FRMPD4: variants seen among roughly 807,000 people sequenced by gnomAD.
FRMPD4 encodes the protein FERM and PDZ domain-containing protein 4.
FRMPD4 carries 22 observed loss-of-function variants against 94.1 expected under a neutral mutation model. That is an observed-to-expected ratio of 0.23 (90% confidence interval 0.17 to 0.33). The LOEUF is 0.33. Among genes scored for constraint, FRMPD4 ranks in the 10% least tolerant of loss-of-function variants. The pLI is 1.00. For missense variants in FRMPD4, 1,111 were observed against 1,339.9 expected (o/e 0.83, Z 2.67); for synonymous variants, 631 against 548.6 (o/e 1.15, Z -2.10).
intron 13 of FRMPD4, among the ~76,000 whole-genome samples, chrX:12,708,660 T>C (rs1970348738): frequency 9.0e-6 from 1 of 111,120 alleles, no homozygotes. Context: ...CAAATGGAGA[T>C]AGTGACTCCA....
At chrX:12,583,708 C>A (rs1873891782) in intron 2 of FRMPD4, among the ~76,000 whole-genome samples, 1 of 112,837 alleles carries the variant, frequency 8.9e-6, no homozygotes. Context: ...TCTGCCGCTT[C>A]CCGCGACCTC....
At chrX:12,150,245 T>C (rs1297652041) in intron 1 of FRMPD4, among the ~76,000 whole-genome samples, 1 of 112,223 alleles carries the variant, frequency 8.9e-6, no homozygotes, top group Non-Finnish European at 1.9e-5. Flanking sequence ...GTATTCCACA[T>C]GATGTCCAAT....
intron 1 of FRMPD4, among the ~76,000 whole-genome samples, chrX:12,144,277 A>T (rs1271443784): frequency 8.9e-6 from 1 of 112,316 alleles, no homozygotes; most frequent in East Asian, 2.8e-4. Flanking sequence ...TGAGAGCATT[A>T]TAATGAGAAA....
intron 2 of FRMPD4, among the ~76,000 whole-genome samples, chrX:12,574,053 T>C (rs1273152872): frequency 8.9e-6 from 1 of 112,524 alleles, no homozygotes; most frequent in Non-Finnish European, 1.9e-5. Context: ...CAGGCTGGAG[T>C]GCAGTGGCAT....
At chrX:12,184,288 C>T (rs2056397081) in intron 1 of FRMPD4, among the ~76,000 whole-genome samples, 1 of 111,319 alleles carries the variant, frequency 9.0e-6, no homozygotes, top group African/African-American at 3.3e-5. Context: ...AAATATTTGG[C>T]TGCCTAGATA....
At chrX:11,831,542 G>A (rs964190546) in intron 1 of FRMPD4, among the ~76,000 whole-genome samples, 2 of 111,807 alleles carry the variant, frequency 1.8e-5, no homozygotes, top group African/African-American at 6.5e-5. Context: ...TGAGTCTGGG[G>A]CTCTTAGGAG....
intron 1 of FRMPD4, among the ~76,000 whole-genome samples, chrX:12,400,360 GAA>G (rs2056594318): frequency 8.9e-6 from 1 of 112,228 alleles, no homozygotes; most frequent in Admixed American, 9.4e-5. Flanking sequence ...AAAGCAGAGA[GAA>G]AACACCAACT....
chrX:12,492,238 A>C (rs1463036117), intron 1 of FRMPD4, among the ~76,000 whole-genome samples: 1 of 111,959 alleles, frequency 8.9e-6, no homozygotes, highest in Non-Finnish European at 1.9e-5. Flanking sequence ...AGTGAGGCTG[A>C]ACTTTGTAAG....
At chrX:12,416,183 G>C (rs4373695) in intron 1 of FRMPD4, among the ~76,000 whole-genome samples, 26,858 of 105,659 alleles carry the variant, frequency 0.25, 2,589 homozygotes, top group East Asian at 0.39. Flanking sequence ...TACCTCTTCC[G>C]CCCTTCCTCC....
intron 1 of FRMPD4, among the ~76,000 whole-genome samples, chrX:12,412,555 C>G (rs1274061225): frequency 2.7e-5 from 3 of 112,366 alleles, no homozygotes; most frequent in African/African-American, 9.7e-5. Context: ...AACTGACTTC[C>G]TAAGATAATC....
intron 3 of FRMPD4, among the ~76,000 whole-genome samples, chrX:12,046,738 C>T (rs926451487): frequency 8.9e-6 from 1 of 112,293 alleles, no homozygotes; most frequent in African/African-American, 3.2e-5. Context: ...GGGCACACCA[C>T]CCTCCAGTAA....
At chrX:12,420,992 G>A (rs767343812) in intron 1 of FRMPD4, among the ~76,000 whole-genome samples, 3 of 112,622 alleles carry the variant, frequency 2.7e-5, no homozygotes, top group Admixed American at 1.9e-4. Context: ...CAGGTGGCTT[G>A]AGCACAGAAA....
At chrX:12,592,226 T>C (rs1306619764) in intron 2 of FRMPD4, among the ~76,000 whole-genome samples, 1 of 112,112 alleles carries the variant, frequency 8.9e-6, no homozygotes, top group Non-Finnish European at 1.9e-5. Flanking sequence ...TTTTGTCTAA[T>C]CACATTGCTA....
chrX:12,606,776 T>TCCTC (rs2059135365), intron 2 of FRMPD4, among the ~76,000 whole-genome samples: 2 of 111,708 alleles, frequency 1.8e-5, no homozygotes, highest in Non-Finnish European at 3.8e-5. Flanking sequence ...CATTCTTCCT[T>TCCTC]CCTCCCTCCC....
chrX:12,570,348 C>G (rs2058750214), intron 2 of FRMPD4, among the ~76,000 whole-genome samples: 1 of 111,205 alleles, frequency 9.0e-6, no homozygotes, highest in South Asian at 3.8e-4. Flanking sequence ...GAATCTTGCT[C>G]TGTTGCCCAG....
chrX:12,447,684 G>A (rs138118881), intron 1 of FRMPD4, among the ~76,000 whole-genome samples: 56 of 111,616 alleles, frequency 5.0e-4, no homozygotes, highest in African/African-American at 1.7e-3. Context: ...TGGATCCAGG[G>A]CCTTATTCTG....
At chrX:11,871,483 A>G (rs2053756460) in intron 2 of FRMPD4, among the ~76,000 whole-genome samples, 1 of 112,851 alleles carries the variant, frequency 8.9e-6, no homozygotes, top group South Asian at 3.6e-4. Context: ...TTTAAATCTG[A>G]ATTTCAGATA....
chrX:12,632,739 T>C (rs752385637), intron 4 of FRMPD4, among the ~76,000 whole-genome samples: 38 of 111,577 alleles, frequency 3.4e-4, no homozygotes, highest in Non-Finnish European at 6.4e-4. Context: ...ATCCAGATAA[T>C]GTACTAGCAG....
At chrX:12,426,728 T>C (rs138003658) in intron 1 of FRMPD4, among the ~76,000 whole-genome samples, 195 of 111,499 alleles carry the variant, frequency 1.7e-3, no homozygotes, top group Middle Eastern at 9.3e-3. Flanking sequence ...TGCTTGCTCA[T>C]GAAGAACACT....
Sources: allele counts gnomAD v4.1 joint callset (sites outside exome capture counted in the v4.1 genomes callset), GRCh38; gene constraint gnomAD v4.1.1; transcripts MANE v1.5; gene names NCBI Gene and HGNC (gene_info 2026-07-23, HGNC 2026-07-21).